Variants in ADARB2 observed in about 807,000 individuals in gnomAD.
The protein encoded by ADARB2 is adenosine deaminase RNA specific B2 (inactive), also known as inactive double-stranded RNA-specific editase B2.
ADARB2 carries 25 observed loss-of-function variants against 62.2 expected under a neutral mutation model. The observed-to-expected ratio is 0.40, with a 90% CI of 0.29 to 0.56. The LOEUF (loss-of-function observed/expected upper bound fraction) is 0.56. ADARB2 is among the 20% of genes least tolerant of loss of function. The probability of loss-of-function intolerance (pLI) is 0.43; values close to 1 mark genes in which losing one functional copy is unlikely to be tolerated. For missense variants in ADARB2, 1,071 were observed against 1,077.4 expected (o/e 0.99, Z 0.08); for synonymous variants, 572 against 500.8 (o/e 1.14, Z -1.90).
intron 1 of ADARB2, among the ~76,000 whole-genome samples, chr10:1,526,469 G>A (rs1023281521): frequency 6.6e-6 from 1 of 152,146 alleles, no homozygotes; most frequent in Non-Finnish European, 1.5e-5. Flanking sequence ...GATCCCTCAC[G>A]ATTATCTTGG....
chr10:1,409,964 T>C (rs111765890), intron 1 of ADARB2, among the ~76,000 whole-genome samples: 13 of 18,482 alleles, frequency 7.0e-4, no homozygotes, highest in Admixed American at 1.3e-3. Flanking sequence ...GAGGCCTGGC[T>C]GTGGTCATAG....
chr10:1,690,215 G>A (rs1264490508), intron 1 of ADARB2, among the ~76,000 whole-genome samples: 1 of 152,228 alleles, frequency 6.6e-6, no homozygotes, highest in Non-Finnish European at 1.5e-5. Flanking sequence ...GCTCGTAGGA[G>A]CACATGCTCA....
chr10:1,538,478 T>C (rs1329552531), intron 1 of ADARB2, among the ~76,000 whole-genome samples: 1 of 152,154 alleles, frequency 6.6e-6, no homozygotes, highest in African/African-American at 2.4e-5. Flanking sequence ...GAGAGAGAAG[T>C]GGGCAGCTGT....
intron 1 of ADARB2, among the ~76,000 whole-genome samples, chr10:1,580,668 G>T (rs1212906725): frequency 6.6e-6 from 1 of 152,136 alleles, no homozygotes; most frequent in Non-Finnish European, 1.5e-5. Flanking sequence ...CCTTCTATGG[G>T]CTTGGACCGG....
At chr10:1,209,412 G>GCC (rs1564221199) in intron 7 of ADARB2, among the ~76,000 whole-genome samples, 465 of 40,784 alleles carry the variant, frequency 0.011, 56 homozygotes, top group African/African-American at 0.051. Flanking sequence ...ATCACCTACA[G>GCC]CAACACCGTC....
At chr10:1,507,885 TCC>T (rs1369337410) in intron 1 of ADARB2, among the ~76,000 whole-genome samples, 1 of 152,140 alleles carries the variant, frequency 6.6e-6, no homozygotes, top group African/African-American at 2.4e-5. Context: ...TGCCGTCTTC[TCC>T]AGGGTGGGAC....
intron 1 of ADARB2, among the ~76,000 whole-genome samples, chr10:1,671,063 A>T (rs917678675): frequency 3.9e-5 from 6 of 152,236 alleles, no homozygotes; most frequent in African/African-American, 1.4e-4. Context: ...AAGGTCAAAT[A>T]CAGGTAATTT....
At chr10:1,416,466 G>C (rs1251534857) in intron 1 of ADARB2, among the ~76,000 whole-genome samples, 2 of 152,236 alleles carry the variant, frequency 1.3e-5, no homozygotes, top group Admixed American at 6.5e-5. Flanking sequence ...AGGAGGCCCA[G>C]AGGAGTGAGC....
intron 1 of ADARB2, among the ~76,000 whole-genome samples, chr10:1,733,598 G>A (rs1242637552): frequency 6.6e-6 from 1 of 152,014 alleles, no homozygotes; most frequent in Non-Finnish European, 1.5e-5. Flanking sequence ...GTTTTGTTGA[G>A]TTCTGCCTCT....
At chr10:1,488,489 T>TG (rs960837118) in intron 1 of ADARB2, among the ~76,000 whole-genome samples, 4 of 152,174 alleles carry the variant, frequency 2.6e-5, no homozygotes, top group Admixed American at 2.0e-4. Context: ...AATAGACAAG[T>TG]GGCCAAATTG....
At chr10:1,322,948 T>C (rs1831808201) in intron 3 of ADARB2, among the ~76,000 whole-genome samples, 1 of 152,218 alleles carries the variant, frequency 6.6e-6, no homozygotes, top group South Asian at 2.1e-4. Flanking sequence ...CTGTACCACA[T>C]TTGGCACCAG....
chr10:1,453,152 T>A (rs1831059758), intron 1 of ADARB2, among the ~76,000 whole-genome samples: 1 of 152,192 alleles, frequency 6.6e-6, no homozygotes, highest in Non-Finnish European at 1.5e-5. Context: ...TTGAAGGAGT[T>A]GTATCAGCAA....
intron 4 of ADARB2, among the ~76,000 whole-genome samples, chr10:1,252,134 C>A (rs1831042580): frequency 6.6e-6 from 1 of 152,128 alleles, no homozygotes; most frequent in South Asian, 2.1e-4. Context: ...TCATTCTCAG[C>A]CTGTTCCAAT....
intron 3 of ADARB2, among the ~76,000 whole-genome samples, chr10:1,352,304 G>A (rs949844662): frequency 6.6e-6 from 1 of 152,072 alleles, no homozygotes; most frequent in African/African-American, 2.4e-5. Flanking sequence ...ACCTGGTTTT[G>A]CCATCCTAAC....
At chr10:1,467,927 GC>G (rs1831272601) in intron 1 of ADARB2, among the ~76,000 whole-genome samples, 1 of 152,138 alleles carries the variant, frequency 6.6e-6, no homozygotes, top group Non-Finnish European at 1.5e-5. Flanking sequence ...TACTACCTCT[GC>G]TACAATTCTA....
At chr10:1,395,719 G>C (rs1045271091) in intron 1 of ADARB2, among the ~76,000 whole-genome samples, 4 of 152,118 alleles carry the variant, frequency 2.6e-5, no homozygotes, top group Admixed American at 6.5e-5. Context: ...TGCGTCCTGG[G>C]CAGCTGCGGG....
intron 1 of ADARB2, among the ~76,000 whole-genome samples, chr10:1,462,534 T>G: frequency 6.6e-6 from 1 of 151,760 alleles, no homozygotes; most frequent in Non-Finnish European, 1.5e-5. Context: ...TATGTGCCTG[T>G]GTGTATGTAC....
intron 4 of ADARB2, among the ~76,000 whole-genome samples, chr10:1,262,099 C>A (rs1296808043): frequency 8.5e-5 from 11 of 130,012 alleles, no homozygotes; most frequent in Non-Finnish European, 1.4e-4. Context: ...CAATGAGATC[C>A]CATGGACACA....
intron 4 of ADARB2, among the ~76,000 whole-genome samples, chr10:1,252,322 G>T (rs192813083): frequency 2.0e-5 from 3 of 152,178 alleles, no homozygotes; most frequent in African/African-American, 7.2e-5. Flanking sequence ...CTGCCCCAAG[G>T]GTGTCATGTG....
Sources: allele counts gnomAD v4.1 joint callset (sites outside exome capture counted in the v4.1 genomes callset), GRCh38; gene constraint gnomAD v4.1.1; transcripts MANE v1.5; gene names NCBI Gene and HGNC (gene_info 2026-07-23, HGNC 2026-07-21).